Variants in ATOSA observed in about 807,000 individuals in gnomAD.
ATOSA encodes the protein atos homolog A, also known as atos homolog protein A.
chr15:52,651,850 A>G, the ATOSA span: 10 of 1,534,988 alleles, frequency 6.5e-6, no homozygotes, highest in Non-Finnish European at 8.7e-6. Context: ...AAAGCCGTTA[A>G]AAAACACTTC....
the ATOSA span, among the ~76,000 whole-genome samples, chr15:52,675,409 C>T: frequency 6.6e-6 from 1 of 150,516 alleles, no homozygotes; most frequent in African/African-American, 2.5e-5. Flanking sequence ...TGACCCCCAC[C>T]TTAAACTTTT....
the ATOSA span, chr15:52,678,483 G>T: frequency 6.7e-3 from 1,104 of 164,042 alleles, 15 homozygotes; most frequent in African/African-American, 0.025. Flanking sequence ...GGGCTGGTAT[G>T]GAAATTCTTC....
At chr15:52,621,424 A>G in the ATOSA span, among the ~76,000 whole-genome samples, 1 of 152,224 alleles carries the variant, frequency 6.6e-6, no homozygotes, top group South Asian at 2.1e-4. Context: ...ATGTAATAAA[A>G]GCAGTCCCAG....
At chr15:52,600,772 C>T in the ATOSA span, among the ~76,000 whole-genome samples, 4 of 146,620 alleles carry the variant, frequency 2.7e-5, no homozygotes, top group East Asian at 2.0e-4. Flanking sequence ...TTTGCCAACA[C>T]GGAAAAAAAT....
the ATOSA span, among the ~76,000 whole-genome samples, chr15:52,623,011 A>AGC: frequency 7.5e-6 from 1 of 133,560 alleles, no homozygotes; most frequent in South Asian, 2.4e-4. Context: ...ATAAATAAAT[A>AGC]AAGCCAGGTG....
chr15:52,684,990 TTAAAAA>T, the ATOSA span, among the ~76,000 whole-genome samples: 1 of 152,272 alleles, frequency 6.6e-6, no homozygotes, highest in African/African-American at 2.4e-5. Context: ...TATTGATACT[TTAAAAA>T]TATTGATCAC....
At chr15:52,701,816 A>T in the ATOSA span, among the ~76,000 whole-genome samples, 8 of 152,136 alleles carry the variant, frequency 5.3e-5, no homozygotes, top group Non-Finnish European at 1.2e-4. Flanking sequence ...AGATAAAGAT[A>T]TAATGTTCCT....
chr15:52,674,302 C>T, the ATOSA span, among the ~76,000 whole-genome samples: 7 of 152,122 alleles, frequency 4.6e-5, no homozygotes, highest in Non-Finnish European at 7.3e-5. Flanking sequence ...CAACCCTCCT[C>T]GGGCTCCCAA....
At chr15:52,635,779 C>T in the ATOSA span, among the ~76,000 whole-genome samples, 305 of 152,102 alleles carry the variant, frequency 2.0e-3, 3 homozygotes, top group African/African-American at 7.1e-3. Context: ...GGGTGGATCA[C>T]GAGGTCAGGA....
chr15:52,695,803 C>A, the ATOSA span, among the ~76,000 whole-genome samples: 1 of 152,110 alleles, frequency 6.6e-6, no homozygotes, highest in Non-Finnish European at 1.5e-5. Flanking sequence ...GGTTTGAGAA[C>A]AAAGACATGA....
the ATOSA span, among the ~76,000 whole-genome samples, chr15:52,642,264 C>G: frequency 6.6e-6 from 1 of 152,096 alleles, no homozygotes; most frequent in Non-Finnish European, 1.5e-5. Context: ...GAAAATAATG[C>G]TAAGCAACTT....
chr15:52,641,278 C>A, the ATOSA span, among the ~76,000 whole-genome samples: 1 of 152,202 alleles, frequency 6.6e-6, no homozygotes, highest in Non-Finnish European at 1.5e-5. Flanking sequence ...GGATATTTTA[C>A]GAGAAAGGCT....
chr15:52,584,428 T>C, the ATOSA span, among the ~76,000 whole-genome samples: 4 of 152,278 alleles, frequency 2.6e-5, no homozygotes, highest in East Asian at 7.7e-4. Context: ...TGTGAGCCAC[T>C]GTGCCCGGCC....
the ATOSA span, among the ~76,000 whole-genome samples, chr15:52,673,508 C>T: frequency 6.6e-6 from 1 of 152,194 alleles, no homozygotes; most frequent in Non-Finnish European, 1.5e-5. Context: ...ACAATAGCAT[C>T]TATTTCCTTG....
the ATOSA span, chr15:52,611,295 A>T: frequency 6.2e-7 from 1 of 1,600,526 alleles, no homozygotes; most frequent in Middle Eastern, 1.7e-4. Context: ...GTAGGCAAGT[A>T]CAAAATGACT....
chr15:52,678,081 G>T, the ATOSA span: 1 of 1,594,878 alleles, frequency 6.3e-7, no homozygotes, highest in Non-Finnish European at 8.6e-7. Context: ...CTTTCAACAG[G>T]CTCGCCGCTG....
At chr15:52,695,550 G>T in the ATOSA span, among the ~76,000 whole-genome samples, 1 of 152,218 alleles carries the variant, frequency 6.6e-6, no homozygotes, top group African/African-American at 2.4e-5. Flanking sequence ...CTTTGCACCA[G>T]TCACTGTTGT....
chr15:52,658,479 C>A, the ATOSA span: 1 of 358,684 alleles, frequency 2.8e-6, no homozygotes, highest in Non-Finnish European at 4.9e-6. Flanking sequence ...CCATTTTAGA[C>A]CAGCAAGATT....
chr15:52,640,053 T>C, the ATOSA span, among the ~76,000 whole-genome samples: 2 of 151,986 alleles, frequency 1.3e-5, no homozygotes, highest in East Asian at 1.9e-4. Flanking sequence ...CCACCGTGCC[T>C]GGCCGATGAA....
Sources: allele counts gnomAD v4.1 joint callset (sites outside exome capture counted in the v4.1 genomes callset), GRCh38; gene constraint gnomAD v4.1.1; transcripts MANE v1.5; gene names NCBI Gene and HGNC (gene_info 2026-07-23, HGNC 2026-07-21).